MEGF11: variants seen among roughly 807,000 people sequenced by gnomAD.
MEGF11 encodes multiple epidermal growth factor-like domains protein 11.
A neutral mutation model predicts 146.6 loss-of-function variants in MEGF11; 126 were observed. The observed-to-expected ratio is 0.86, with a 90% CI of 0.74 to 1.00. MEGF11 has a LOEUF of 1.00. Among genes scored for constraint, MEGF11 ranks in the 50% least tolerant of loss-of-function variants. The pLI is 0.00. For synonymous variants in MEGF11, 532 were observed against 583.4 expected, an observed-to-expected ratio of 0.91 and a Z score of 1.27; for missense variants, 1,509 against 1,521.2, an observed-to-expected ratio of 0.99 and a Z score of 0.13.
At chr15:65,953,941 G>A (rs993182711) in intron 10 of MEGF11, among the ~76,000 whole-genome samples, 1 of 152,136 alleles carries the variant, frequency 6.6e-6, no homozygotes, top group African/African-American at 2.4e-5. Context: ...CTTTCATAAA[G>A]CTGTCCCAAT....
At chr15:66,012,760 C>G (rs1033934712) in intron 5 of MEGF11, among the ~76,000 whole-genome samples, 1 of 152,222 alleles carries the variant, frequency 6.6e-6, no homozygotes, top group East Asian at 1.9e-4. Context: ...CCTCTGCTCC[C>G]TGCCTGCCAA....
intron 1 of MEGF11, among the ~76,000 whole-genome samples, chr15:66,220,990 G>A (rs761341831): frequency 6.6e-6 from 1 of 152,210 alleles, no homozygotes; most frequent in Non-Finnish European, 1.5e-5. Context: ...CTGTAGTTTA[G>A]TAAGTGGTAT....
chr15:65,910,116 C>T, intron 21 of MEGF11: 2 of 521,230 alleles, frequency 3.8e-6, no homozygotes, highest in South Asian at 3.4e-5. Context: ...TGGGGCTGAG[C>T]TTTAGGAGAG....
chr15:66,128,997 C>T (rs920144238), intron 1 of MEGF11, among the ~76,000 whole-genome samples: 5 of 152,152 alleles, frequency 3.3e-5, no homozygotes, highest in Non-Finnish European at 5.9e-5. Flanking sequence ...CTACTTCTGC[C>T]CAGAGTGATG....
chr15:66,180,049 A>C (rs1413334688), intron 1 of MEGF11, among the ~76,000 whole-genome samples: 1 of 152,156 alleles, frequency 6.6e-6, no homozygotes, highest in Non-Finnish European at 1.5e-5. Context: ...GTATCTCCCA[A>C]AGGAACAAAA....
chr15:65,899,000 A>G, intron 24 of MEGF11, 66 bp from the exon 25 acceptor site: 2 of 1,521,762 alleles, frequency 1.3e-6, no homozygotes, highest in African/African-American at 1.4e-5. Context: ...TATCAGAAGC[A>G]GACTGCAGTT....
At chr15:66,075,051 T>C (rs548420706) in intron 5 of MEGF11, among the ~76,000 whole-genome samples, 1 of 152,368 alleles carries the variant, frequency 6.6e-6, no homozygotes, top group Admixed American at 6.5e-5. Flanking sequence ...CCTTATAGAT[T>C]GCAGGTATTG....
rs138358845 is a variant in MEGF11 at position 66,097,107 on chromosome 15, G to A, written c.302-2613C>T. 3.2e-3 allele frequency among the ~76,000 whole-genome samples: 494 copies of A among 152,270 alleles called. 6 individuals carry two copies. Among genetic ancestry groups the A allele is most frequent in the African/African-American group, 0.011 (473 of 41,560 alleles). ...GGTGCATCTCCCTCCTTTCCTCATCGTCCTGGTATTTTGCCTGCACTATTT... is the reference window on the plus strand; with the variant it reads ...GGTGCATCTCCCTCCTTTCCTCATCATCCTGGTATTTTGCCTGCACTATTT... On this transcript the variant is annotated intron_variant, in intron 4 of 25. Coordinates refer to ENST00000395614, the MANE Select transcript of MEGF11 (RefSeq NM_001385028.1).
intron 1 of MEGF11, among the ~76,000 whole-genome samples, chr15:66,169,446 A>T (rs977912571): frequency 2.0e-5 from 3 of 152,256 alleles, no homozygotes; most frequent in African/African-American, 7.2e-5. Flanking sequence ...GAGGGAGAAC[A>T]GAGTCAGTTT....
intron 1 of MEGF11, among the ~76,000 whole-genome samples, chr15:66,212,705 A>G (rs902794153): frequency 1.1e-3 from 4 of 3,692 alleles, no homozygotes; most frequent in African/African-American, 4.9e-3. Flanking sequence ...TCCCCATGTC[A>G]GGGCCCATCC....
At position 66,224,670 on chromosome 15, in the gene MEGF11, A is replaced by ATTTATATATAATATATAAAGTATATATAT. The variant is rs1567290374; in HGVS notation, c.-9+28906_-9+28934dup. 2.9e-3 allele frequency among the ~76,000 whole-genome samples: 416 copies of ATTTATATATAATATATAAAGTATATATAT among 145,920 alleles called. 5 individuals carry two copies. Among genetic ancestry groups the ATTTATATATAATATATAAAGTATATATAT allele is most frequent in the African/African-American group, 9.7e-3 (391 of 40,106 alleles). ...TTATATATTTATATATAAAGTATAT[A>ATTTATATATAATATATAAAGTATATATAT]TTTATATATAATATATAAAGTATAT... On this transcript the variant is annotated intron_variant, in intron 1 of 25. Transcript: ENST00000395614.
At chr15:66,164,010 C>T (rs755400181) in intron 1 of MEGF11, among the ~76,000 whole-genome samples, 3 of 152,212 alleles carry the variant, frequency 2.0e-5, no homozygotes, top group Non-Finnish European at 2.9e-5. Flanking sequence ...CTCCCTCCTT[C>T]CAGTCCCATC....
rs193088657 is a variant in MEGF11, at chr15:65,983,326, C to A, written c.395-838G>T. Among the ~76,000 whole-genome samples the A allele has an allele frequency of 1.1e-3, 161 of 152,290 alleles. 1 individual carries two copies. Among genetic ancestry groups the A allele is most frequent in the African/African-American group, 3.6e-3 (149 of 41,544 alleles). On this transcript the variant is annotated intron_variant, in intron 5 of 25. Coordinates refer to ENST00000395614, the MANE Select transcript of MEGF11 (RefSeq NM_001385028.1). ...CAGTGTTGCAGAAATTCACACTCTA[C>A]GGCTATGGAAAGGGGCTGAGTAGCA... is the stretch of plus-strand genomic sequence containing the variant.
intron 1 of MEGF11, among the ~76,000 whole-genome samples, chr15:66,146,575 C>T (rs373110585): frequency 7.2e-5 from 11 of 152,278 alleles, no homozygotes; most frequent in South Asian, 2.1e-4. Context: ...TCACCACGCA[C>T]GCCGACACCT....
chr15:66,105,831 C>T (rs946782422), intron 4 of MEGF11, among the ~76,000 whole-genome samples: 3 of 152,204 alleles, frequency 2.0e-5, no homozygotes, highest in African/African-American at 7.2e-5. Context: ...GTGGATGAAG[C>T]CCTGTGGATC....
At position 66,051,685 on chromosome 15, in the gene MEGF11, G is replaced by A. The variant is rs180768860; in HGVS notation, c.394+42717C>T. Among the ~76,000 whole-genome samples the A allele has an allele frequency of 4.0e-3, 604 of 152,308 alleles. 4 individuals carry two copies. Among genetic ancestry groups the A allele is most frequent in the Admixed American group, 8.4e-3 (129 of 15,296 alleles). ...GGGGCTGGAGCCTTGGGGCATGCTC[G>A]GTGGCTCCTTGGCTCTGTGTAGCTT... is the stretch of plus-strand genomic sequence containing the variant. On this transcript the variant is annotated intron_variant, in intron 5 of 25. Coordinates refer to ENST00000395614, the MANE Select transcript of MEGF11 (RefSeq NM_001385028.1).
intron 23 of MEGF11, 73 bp from the exon 24 acceptor site, chr15:65,906,214 C>G: frequency 1.8e-6 from 2 of 1,117,148 alleles, no homozygotes; most frequent in South Asian, 2.8e-5. Context: ...GTTCTTCTTT[C>G]TTTTCTTGCT....
intron 1 of MEGF11, among the ~76,000 whole-genome samples, chr15:66,175,837 A>C (rs990583377): frequency 1.3e-5 from 2 of 152,202 alleles, no homozygotes; most frequent in African/African-American, 4.8e-5. Flanking sequence ...ATATCAAACT[A>C]AAAAGTTCTA....
At chr15:66,082,672 CAAAA>C (rs71139462) in intron 5 of MEGF11, among the ~76,000 whole-genome samples, 2 of 39,144 alleles carry the variant, frequency 5.1e-5, no homozygotes, top group Admixed American at 5.2e-4. Flanking sequence ...GACTCTGTCT[CAAAA>C]AAAAAAAAAA....
Sources: allele counts gnomAD v4.1 joint callset (sites outside exome capture counted in the v4.1 genomes callset), GRCh38; gene constraint gnomAD v4.1.1; transcripts MANE v1.5; gene names NCBI Gene and HGNC (gene_info 2026-07-23, HGNC 2026-07-21).